Variants in INTS1 observed in about 807,000 individuals in gnomAD.
INTS1 encodes the protein integrator complex subunit 1.
A neutral mutation model predicts 241.6 loss-of-function variants in INTS1; 137 were observed. That is an observed-to-expected ratio of 0.57 (90% CI 0.49 to 0.65). The LOEUF is 0.65. INTS1 is among the 30% of genes least tolerant of loss of function. The pLI is 0.00. For missense variants in INTS1, 3,073 were observed against 3,032.2 expected, an observed-to-expected ratio of 1.01 and a Z score of -0.32; for synonymous variants, 1,692 against 1,337.8, an observed-to-expected ratio of 1.26 and a Z score of -5.78.
intron 43 of INTS1, 128 bp downstream of exon 43, chr7:1,472,944 G>A: frequency 1.7e-6 from 1 of 588,764 alleles, no homozygotes. Flanking sequence ...CAGCCAGCAA[G>A]GTCCCAGGCT....
chr7:1,478,330 C>T (rs370056369), intron 33 of INTS1, 36 bp downstream of exon 33: 1 of 1,605,282 alleles, frequency 6.2e-7, no homozygotes, highest in African/African-American at 1.3e-5. Context: ...CTTCCCAGGG[C>T]CGCCGTGGCC....
In INTS1 at chr7:1,470,541, G is replaced by GGGACC. The variant is rs1781406565; in HGVS notation, c.*35_*36insGGTCC. ...CCTCGAGGATCCCCGGGGACGGGAC[G>GGGACC]GGCCGGGGCTTGGAGGGGGGTCGGC... On this transcript the variant is annotated 3_prime_UTR_variant, in exon 48 of 48. Transcript: ENST00000404767. 2.1e-6 allele frequency: 3 copies of GGGACC among 1,456,868 alleles called. No individual in the cohort carries two copies. The highest frequency in any genetic ancestry group is 2.8e-6 in the Non-Finnish European group (3 of 1,075,834). The allele number at this position is 1,456,868 out of a possible 1,614,324, so 90.2% of individuals were successfully genotyped here.
chr7:1,499,743 T>C (rs1019119773), intron 5 of INTS1, 111 bp from the exon 6 acceptor site: 6 of 1,469,918 alleles, frequency 4.1e-6, no homozygotes, highest in African/African-American at 2.8e-5. Context: ...CTCCAGCTTC[T>C]GGGTGCAGCA....
rs1233151799 is a variant in INTS1, at chr7:1,479,534, G to A, written c.4225C>T (p.Leu1409Phe). The A allele has an allele frequency of 6.4e-7, 1 of 1,561,936 alleles. No homozygotes were observed. Among genetic ancestry groups the A allele is most frequent in the Admixed American group, 1.9e-5 (1 of 52,964 alleles). The part of the protein sequence containing the change: ...PGITVRVLQA[L>F]ATLLSSPHGG... ...TGTGGGGAGCTGAGCAGGGTGGCGA[G>A]GGCCTGCAGGACACGCACCGTGATG... is the stretch of plus-strand genomic sequence containing the variant. Residue 1409 changes from leucine (L) to phenylalanine (F), a missense_variant, in exon 31 of 48, where the codon CTC (leucine) becomes TTC (phenylalanine). By Grantham distance (22) the Leu-to-Phe change is conservative. Coordinates refer to ENST00000404767, the MANE Select transcript of INTS1 (RefSeq NM_001080453.3).
intron 39 of INTS1, 82 bp from the exon 40 acceptor site, chr7:1,474,920 G>A: frequency 6.7e-7 from 1 of 1,498,078 alleles, no homozygotes; most frequent in Non-Finnish European, 9.0e-7. Flanking sequence ...GCCAGCTGTG[G>A]CCGTGATCCA....
In INTS1 at chr7:1,493,957, G is replaced by A; in HGVS notation, c.1911-46C>T. ...GACTCGGTGTGGGCTGCCCACACCT[G>A]CCAGACCTGAGGGGCCGAGGACAGG... On this transcript the variant is annotated intron_variant, in intron 14 of 47. Transcript: ENST00000404767. The surrounding 1 kb of genome is among the most constrained non-coding windows in gnomAD (Gnocchi z 5.3). 5 of 1,527,720 alleles carry A rather than the reference G, an allele frequency of 3.3e-6. No homozygotes were observed. The highest frequency in any genetic ancestry group is 3.5e-4 in the Middle Eastern group (2 of 5,716). The allele number at this position is 1,527,720 out of a possible 1,614,324, so 94.6% of individuals were successfully genotyped here. A position where few individuals can be genotyped will look rare whatever the true frequency, so the allele number is the denominator to read the frequency against.
In INTS1 at chr7:1,489,331, C is replaced by A. The variant is rs201975371; in HGVS notation, c.2318+13G>T. On this transcript the variant is annotated intron_variant, in intron 18 of 47. Transcript: ENST00000404767. ...CCCCATCCCGGGCCCGCCGAGGGGA[C>A]GTGCGCACTCACTTGGTCATCACCA... The A allele has an allele frequency of 6.2e-7, 1 of 1,609,004 alleles. No individual in the cohort carries two copies. Among genetic ancestry groups the A allele is most frequent in the African/African-American group, 1.3e-5 (1 of 74,946 alleles).
intron 10 of INTS1, among the ~76,000 whole-genome samples, chr7:1,498,114 G>A (rs1423986713): frequency 6.6e-6 from 1 of 152,196 alleles, no homozygotes; most frequent in African/African-American, 2.4e-5. Context: ...AAAAACAGAA[G>A]GCAACAGGTC....
chr7:1,503,228 C>T lies in INTS1; in HGVS notation c.59-37G>A, dbSNP rs755430182. The T allele has an allele frequency of 2.0e-6, 3 of 1,511,332 alleles. No individual in the cohort carries two copies. In the Admixed American group the frequency reaches 6.7e-5, roughly 34 times the overall value. 93.6% of individuals were successfully genotyped at this position (1,511,332 alleles called of 1,614,324 possible). On this transcript the variant is annotated intron_variant, in intron 2 of 47. Coordinates refer to ENST00000404767, the MANE Select transcript of INTS1 (RefSeq NM_001080453.3). The stretch of plus-strand genomic sequence containing the variant: ...GGAGAGAGAAAACCGGGCACATTTG[C>T]AACACCCAAGATGGAAAAAGACTGA...
Position 1,489,681 on chromosome 7 carries a change from A to G in INTS1, c.2167T>C (p.Tyr723His). ...GAGATGGCGAGGTTCGGAGGCTGGT[A>G]CCTGGAAGGCAGGGGCGCCCCGACT... Reference protein sequence around the residue: ...HPENIQLPPGYQPPNLAISTL... With the variant: ...HPENIQLPPGHQPPNLAISTL... The change falls in exon 17 of 48, where the codon TAC (tyrosine) becomes CAC (histidine). Residue 723 changes from tyrosine (Y) to histidine (H), a missense_variant and splice_region_variant. Transcript: ENST00000404767. The G allele has an allele frequency of 6.5e-7, 1 of 1,538,552 alleles. No individual in the cohort carries two copies. Among genetic ancestry groups the G allele is most frequent in the Non-Finnish European group, 8.8e-7 (1 of 1,140,840 alleles).
chr7:1,499,496 C>T lies in INTS1; in HGVS notation c.821G>A (p.Arg274His), dbSNP rs751173987. The change falls in exon 6 of 48, where the codon CGC (arginine) becomes CAC (histidine). Residue 274 changes from arginine (R) to histidine (H), a missense_variant. Physicochemically the swap from Arg to His is conservative, Grantham distance 29. Transcript: ENST00000404767. ...RSVLLQGEAG[R>H]VAGDLGAGSS... ...ACCTGCACCCAGGTCGCCCGCAACG[C>T]GGCCCGCCTCCCCCTGCAGCAGCAC... The T allele has an allele frequency of 1.4e-5, 23 of 1,603,936 alleles. No individual in the cohort carries two copies. Among genetic ancestry groups the T allele is most frequent in the South Asian group, 2.2e-5 (2 of 90,054 alleles).
rs1203642195 is a variant in INTS1, at chr7:1,487,967, G to C, written c.2319-10C>G. On this transcript the variant is annotated splice_polypyrimidine_tract_variant and intron_variant, in intron 18 of 47. Transcript: ENST00000404767. ...TGGGTAGGAGTAGTTGCTAGGGCCA[G>C]ACGGGGGAGCGTGTCACCCTGCCCC... The C allele has an allele frequency of 1.9e-6, 3 of 1,612,492 alleles. No homozygotes were observed. The highest frequency in any genetic ancestry group is 2.2e-5 in the East Asian group (1 of 44,850).
rs765603063 is a variant in INTS1, at chr7:1,477,557, C to T, written c.4931G>A (p.Arg1644Gln). The T allele has an allele frequency of 3.9e-6, 6 of 1,520,392 alleles. No individual in the cohort carries two copies. The South Asian group carries it at 5.2e-5, about 13-fold the overall frequency. 94.2% of individuals were successfully genotyped at this position (1,520,392 alleles called of 1,614,324 possible). A position where few individuals can be genotyped will look rare whatever the true frequency, so the allele number is the denominator to read the frequency against. Residue 1644 changes from arginine (R) to glutamine (Q), a missense_variant, in exon 35 of 48, where the codon CGG (arginine) becomes CAG (glutamine). Transcript: ENST00000404767. ...PDLQLRLLFS[R>Q]RKGKGQAQVP... ...AAGCTGGGTGCCACCCACCTTCCTC[C>T]GGGAGAAGAGCAGCCTGAGCTGCAG...
intron 39 of INTS1, among the ~76,000 whole-genome samples, chr7:1,475,543 A>T (rs1159440125): frequency 2.0e-5 from 3 of 152,150 alleles, no homozygotes; most frequent in Non-Finnish European, 4.4e-5. Flanking sequence ...GGAAGCGGGT[A>T]CGGGAGGCCC....
At chr7:1,498,682 C>G (rs775987040) in intron 9 of INTS1, 25 bp downstream of exon 9, 1 of 1,547,432 alleles carries the variant, frequency 6.5e-7, no homozygotes, top group Non-Finnish European at 8.7e-7. Context: ...CCCGCACCCC[C>G]GCTCTGCCCC....
intron 1 of INTS1, 80 bp from the exon 2 acceptor site, chr7:1,504,081 C>A: frequency 1.3e-6 from 1 of 771,210 alleles, no homozygotes; most frequent in Non-Finnish European, 2.0e-6. Flanking sequence ...CCGCACGGGG[C>A]TTGGGCCTGG....
chr7:1,492,668 A>AGGTATG, intron 16 of INTS1, among the ~76,000 whole-genome samples: 1 of 152,346 alleles, frequency 6.6e-6, no homozygotes, highest in South Asian at 2.1e-4. Context: ...CAGGAGAAAA[A>AGGTATG]GGTATGACTG....
rs914788211 is a variant in INTS1, at chr7:1,504,013, C to T, written c.-41-12G>A. The T allele has an allele frequency of 5.1e-6, 7 of 1,360,568 alleles. No homozygotes were observed. The highest frequency in any genetic ancestry group is 7.1e-6 in the Non-Finnish European group (7 of 987,134). The allele number at this position is 1,360,568 out of a possible 1,614,324, so 84.3% of individuals were successfully genotyped here. A position where few individuals can be genotyped will look rare whatever the true frequency, so the allele number is the denominator to read the frequency against. On this transcript the variant is annotated splice_polypyrimidine_tract_variant and intron_variant, in intron 1 of 47. Coordinates refer to ENST00000404767, the MANE Select transcript of INTS1 (RefSeq NM_001080453.3). ...GGCTGCGGCGTCACCTGCGGAGGAGCCAGCGTGCGGTCATTCCTTCACTCA... is the reference window on the plus strand; with the variant it reads ...GGCTGCGGCGTCACCTGCGGAGGAGTCAGCGTGCGGTCATTCCTTCACTCA...
chr7:1,492,481 G>A lies in INTS1; in HGVS notation c.2165+529C>T, dbSNP rs34102737. Among the ~76,000 whole-genome samples, 1,020 of 152,290 alleles carry A rather than the reference G, an allele frequency of 6.7e-3. 16 individuals are homozygous for A. The highest frequency in any genetic ancestry group is 0.02 in the South Asian group (95 of 4,834). On this transcript the variant is annotated intron_variant, in intron 16 of 47. Coordinates refer to ENST00000404767, the MANE Select transcript of INTS1 (RefSeq NM_001080453.3). The stretch of plus-strand genomic sequence containing the variant: ...GCTGGTGGGAATGGGGTTCTCTTGG[G>A]GGAACCAAAGAAGGTTCTACAATTA...
Sources: allele counts gnomAD v4.1 joint callset (sites outside exome capture counted in the v4.1 genomes callset), GRCh38; gene constraint gnomAD v4.1.1; non-coding constraint Gnocchi (gnomAD v3.1); transcripts MANE v1.5; gene names NCBI Gene and HGNC (gene_info 2026-07-23, HGNC 2026-07-21).